The following GAD2 variants were observed in gnomAD, a reference collection of about 807,000 sequenced individuals.
GAD2 encodes glutamate decarboxylase 2.
Under a neutral mutation model 80.1 loss-of-function variants are expected in GAD2, and 22 were observed. The ratio of observed to expected loss-of-function variants is 0.27; its 90% CI spans 0.20 to 0.39. GAD2 has a LOEUF of 0.39. GAD2 is among the 10% of genes least tolerant of loss of function. The pLI is 1.00. For missense variants in GAD2, 624 were observed against 738.4 expected (o/e 0.85, Z 1.80); for synonymous variants, 274 against 256.9 (o/e 1.07, Z -0.64).
At chr10:26,273,484 C>T (rs1000853951) in intron 10 of GAD2, 152 bp from the exon 11 acceptor site, 20 of 675,934 alleles carry the variant, frequency 3.0e-5, no homozygotes, top group Non-Finnish European at 4.5e-5. Flanking sequence ...AAGGGCCCTT[C>T]GGTGTAAACT....
In GAD2 at chr10:26,245,901, T is replaced by C. The variant is rs1414100671; in HGVS notation, c.841-20T>C. 8.2e-6 allele frequency: 13 copies of C among 1,585,780 alleles called. No individual in the cohort carries two copies. The East Asian group carries it at 2.9e-4, about 36-fold the overall frequency. The stretch of plus-strand genomic sequence containing the variant: ...GTCTGTATATGGAACTAATTGCAAA[T>C]ATATATATTTTTTTTACAGAGTCAT... On this transcript the variant is annotated intron_variant, in intron 7 of 15. Transcript: ENST00000376261.
chr10:26,247,184 G>A (rs955413490), intron 8 of GAD2, among the ~76,000 whole-genome samples: 3 of 152,146 alleles, frequency 2.0e-5, no homozygotes, highest in Non-Finnish European at 4.4e-5. Context: ...AACAAGGGGT[G>A]GATTATTCAT....
intron 8 of GAD2, among the ~76,000 whole-genome samples, chr10:26,254,435 G>A (rs892585625): frequency 6.6e-6 from 1 of 152,196 alleles, no homozygotes; most frequent in Non-Finnish European, 1.5e-5. Context: ...GGGAATGCTG[G>A]CTCAGGGCTC....
At chr10:26,263,921 T>G (rs1241735976) in intron 8 of GAD2, among the ~76,000 whole-genome samples, 3 of 152,170 alleles carry the variant, frequency 2.0e-5, no homozygotes, top group Non-Finnish European at 4.4e-5. Flanking sequence ...GAAGTCAACC[T>G]GAAAAGTTTT....
intron 8 of GAD2, among the ~76,000 whole-genome samples, chr10:26,258,531 A>G (rs1377258967): frequency 6.6e-6 from 1 of 151,676 alleles, no homozygotes; most frequent in Non-Finnish European, 1.5e-5. Flanking sequence ...TTTAACACTA[A>G]CTCCCTACCA....
intron 7 of GAD2, among the ~76,000 whole-genome samples, chr10:26,238,657 C>T (rs1844704660): frequency 6.6e-6 from 1 of 152,246 alleles, no homozygotes; most frequent in Non-Finnish European, 1.5e-5. Flanking sequence ...TCCACATCAC[C>T]TGCGAATCAC....
At chr10:26,263,488 G>A (rs1308672536) in intron 8 of GAD2, among the ~76,000 whole-genome samples, 1 of 152,140 alleles carries the variant, frequency 6.6e-6, no homozygotes, top group Non-Finnish European at 1.5e-5. Context: ...GTAAAGACAC[G>A]GGGAGCTCTT....
intron 8 of GAD2, among the ~76,000 whole-genome samples, chr10:26,249,314 G>A (rs925465536): frequency 1.3e-5 from 2 of 152,150 alleles, no homozygotes; most frequent in Non-Finnish European, 2.9e-5. Flanking sequence ...CGTCCGCCTC[G>A]GCCTCTCAAA....
Position 26,245,940 on chromosome 10 carries a change from A to G in GAD2, c.860A>G (p.Lys287Arg). Residue 287 changes from lysine to arginine, a missense_variant, in exon 8 of 16, where the codon AAG becomes AGG. Coordinates refer to ENST00000376261, the MANE Select transcript of GAD2 (RefSeq NM_001134366.2). ...TTACAGAGTCATTTTTCTCTCAAGA[A>G]GGGAGCTGCAGCCTTAGGGATTGGA... ...TSEHSHFSLKKGAAALGIGTD... is the reference protein window; with the variant it reads ...TSEHSHFSLKRGAAALGIGTD... The G allele has an allele frequency of 1.2e-6, 2 of 1,613,942 alleles. No individual in the cohort carries two copies. Among genetic ancestry groups the G allele is most frequent in the South Asian group, 2.2e-5 (2 of 91,070 alleles).
In GAD2 at chr10:26,245,905, T is replaced by C. The variant is rs1162070618; in HGVS notation, c.841-16T>C. 6 of 1,592,876 alleles carry C rather than the reference T, an allele frequency of 3.8e-6. No homozygotes were observed. Among genetic ancestry groups the C allele is most frequent in the Non-Finnish European group, 4.3e-6 (5 of 1,161,914 alleles). On this transcript the variant is annotated splice_polypyrimidine_tract_variant and intron_variant, in intron 7 of 15. Coordinates refer to ENST00000376261, the MANE Select transcript of GAD2 (RefSeq NM_001134366.2). Reference sequence around the variant, plus strand: ...GTATATGGAACTAATTGCAAATATATATATTTTTTTTACAGAGTCATTTTT... The same window carrying C: ...GTATATGGAACTAATTGCAAATATACATATTTTTTTTACAGAGTCATTTTT...
At chr10:26,282,197 C>T (rs1405580083) in intron 12 of GAD2, among the ~76,000 whole-genome samples, 4 of 152,298 alleles carry the variant, frequency 2.6e-5, no homozygotes, top group Middle Eastern at 3.4e-3. Context: ...CCCACCTCAG[C>T]CTTTCAAAGT....
At position 26,280,892 on chromosome 10, in the gene GAD2, A is replaced by G. The variant is rs902386647; in HGVS notation, c.1158-117A>G. 6 of 641,124 alleles carry G rather than the reference A, an allele frequency of 9.4e-6. No homozygotes were observed. In the African/African-American group the frequency reaches 1.1e-4, roughly 12 times the overall value. 39.7% of individuals were successfully genotyped at this position (641,124 alleles called of 1,614,324 possible). A position where few individuals can be genotyped will look rare whatever the true frequency, so the allele number is the denominator to read the frequency against. ...ATTTTTAAAATTAAAATAAATAAATACATTTAGTGTCAATCTGGAGTCTGA... is the reference window on the plus strand; with the variant it reads ...ATTTTTAAAATTAAAATAAATAAATGCATTTAGTGTCAATCTGGAGTCTGA... On this transcript the variant is annotated intron_variant, in intron 11 of 15. Coordinates refer to ENST00000376261, the MANE Select transcript of GAD2 (RefSeq NM_001134366.2).
chr10:26,252,228 A>G (rs1844888177), intron 8 of GAD2, among the ~76,000 whole-genome samples: 1 of 152,228 alleles, frequency 6.6e-6, no homozygotes, highest in Non-Finnish European at 1.5e-5. Flanking sequence ...TGTTCTGCAG[A>G]CAGTTGAAGG....
intron 8 of GAD2, among the ~76,000 whole-genome samples, chr10:26,252,369 G>T (rs1027933915): frequency 1.3e-5 from 2 of 151,546 alleles, no homozygotes; most frequent in African/African-American, 2.4e-5. Flanking sequence ...TTGAGACAAG[G>T]TCTCACTCTG....
chr10:26,218,020 G>T (rs762760958), intron 3 of GAD2, 29 bp downstream of exon 3: 1 of 1,564,696 alleles, frequency 6.4e-7, no homozygotes, highest in Admixed American at 1.9e-5. Context: ...GCCCCGGGGC[G>T]CCCCTGCCCC....
intron 8 of GAD2, among the ~76,000 whole-genome samples, chr10:26,251,613 T>C (rs1844881669): frequency 6.6e-6 from 1 of 152,238 alleles, no homozygotes; most frequent in South Asian, 2.1e-4. Flanking sequence ...TCAGTGAACG[T>C]CCTTATGCAT....
intron 15 of GAD2, among the ~76,000 whole-genome samples, chr10:26,296,228 A>G (rs1055566380): frequency 1.3e-5 from 2 of 152,118 alleles, no homozygotes; most frequent in African/African-American, 4.8e-5. Flanking sequence ...CAAAGGCCCT[A>G]TCTCCTAATA....
chr10:26,245,975 G>T lies in GAD2; in HGVS notation c.895G>T (p.Val299Leu). Residue 299 changes from valine (V) to leucine (L), a missense_variant, in exon 8 of 16, where the codon GTG (valine) becomes TTG (leucine). Val to Leu is a conservative substitution (Grantham distance 32, BLOSUM62 1). Coordinates refer to ENST00000376261, the MANE Select transcript of GAD2 (RefSeq NM_001134366.2). ...AGCCTTAGGGATTGGAACAGACAGC[G>T]TGATTCTGATTAAATGTGATGAGAG... ...AAALGIGTDS[V>L]ILIKCDERGK... is the part of the protein sequence containing the mutation. 1 of 1,614,134 alleles carries T rather than the reference G, an allele frequency of 6.2e-7. No individual in the cohort carries two copies. The highest frequency in any genetic ancestry group is 1.3e-5 in the African/African-American group (1 of 75,036).
At chr10:26,261,185 G>A (rs1845005529) in intron 8 of GAD2, among the ~76,000 whole-genome samples, 1 of 151,986 alleles carries the variant, frequency 6.6e-6, no homozygotes, top group African/African-American at 2.4e-5. Context: ...TTCAATTTTT[G>A]GTAGTCAGAG....
Sources: gnomAD v4.1 joint callset for allele counts (sites outside exome capture counted in the v4.1 genomes callset) on GRCh38, gnomAD v4.1.1 for gene constraint, MANE v1.5 for transcripts, NCBI Gene and HGNC (gene_info 2026-07-23, HGNC 2026-07-21) for gene names.